Variants in ZNF680 observed in about 807,000 individuals in gnomAD.
ZNF680 encodes zinc finger protein 680, also known as hypothetical protein FLJ90430.
Under a neutral mutation model 12.1 loss-of-function variants are expected in ZNF680, and 6 were observed. The ratio of observed to expected loss-of-function variants is 0.49; its 90% CI spans 0.27 to 0.98. The LOEUF is 0.98. ZNF680 is among the 50% of genes least tolerant of loss of function. ZNF680 has a pLI of 0.12. For synonymous variants in ZNF680, 170 were observed against 199.3 expected (o/e 0.85, Z 1.24); for missense variants, 561 against 616.3 (o/e 0.91, Z 0.95).
At chr7:64,559,614 G>A (rs1181393884) in intron 1 of ZNF680, among the ~76,000 whole-genome samples, 1 of 152,030 alleles carries the variant, frequency 6.6e-6, no homozygotes, top group Non-Finnish European at 1.5e-5. Flanking sequence ...CTGAGTAGCT[G>A]GGATTACAGG....
chr7:64,548,787 G>A lies in ZNF680; in HGVS notation c.31-4355C>T, dbSNP rs148884411. On this transcript the variant is annotated intron_variant, in intron 1 of 3. Transcript: ENST00000309683. ...CCCAATGACCCTGGGCTGATGACCC[G>A]ATGATGTGCCAAGCAGGAGAGACTC... Among the ~76,000 whole-genome samples the A allele has an allele frequency of 4.7e-3, 716 of 151,998 alleles. 14 individuals carry two copies. In the East Asian group the frequency reaches 0.063, roughly 13 times the overall value.
At chr7:64,509,999 A>G in the ZNF680 span, among the ~76,000 whole-genome samples, 6 of 150,510 alleles carry the variant, frequency 4.0e-5, no homozygotes, top group Non-Finnish European at 7.4e-5. Flanking sequence ...CTAAATTACT[A>G]AAGCTCCTTT....
At chr7:64,504,483 C>T in the ZNF680 span, among the ~76,000 whole-genome samples, 1 of 152,144 alleles carries the variant, frequency 6.6e-6, no homozygotes. Context: ...TTAACTGTTT[C>T]TGATTTATCT....
At chr7:64,540,857 A>C (rs1786465256) in intron 3 of ZNF680, among the ~76,000 whole-genome samples, 1 of 152,210 alleles carries the variant, frequency 6.6e-6, no homozygotes, top group Non-Finnish European at 1.5e-5. Flanking sequence ...CATGGAAAGC[A>C]GGTATTTCAA....
downstream of ZNF680, among the ~76,000 whole-genome samples, chr7:64,518,874 TA>T (rs1791408400): frequency 6.6e-6 from 1 of 151,964 alleles, no homozygotes; most frequent in Admixed American, 6.6e-5. Context: ...ATCTAAGACC[TA>T]AAACAGTAAA....
chr7:64,505,881 A>T, the ZNF680 span, among the ~76,000 whole-genome samples: 1 of 151,900 alleles, frequency 6.6e-6, no homozygotes, highest in African/African-American at 2.4e-5. Flanking sequence ...CCACGTGGCC[A>T]CCATAAGCAG....
downstream of ZNF680, among the ~76,000 whole-genome samples, chr7:64,516,558 C>G (rs1425072865): frequency 6.6e-6 from 1 of 152,148 alleles, no homozygotes; most frequent in Non-Finnish European, 1.5e-5. Flanking sequence ...CTAGACAGGT[C>G]ATCAAGATAG....
intron 1 of ZNF680, among the ~76,000 whole-genome samples, chr7:64,545,846 G>A (rs1786759696): frequency 6.6e-6 from 1 of 152,072 alleles, no homozygotes; most frequent in South Asian, 2.1e-4. Context: ...AACATTACAT[G>A]TTCTTTTTCT....
intron 2 of ZNF680, chr7:64,544,028 T>A: frequency 3.3e-6 from 2 of 602,258 alleles, no homozygotes; most frequent in South Asian, 2.3e-5. Context: ...GCAATTAAAT[T>A]TTAAGGTGTG....
At chr7:64,543,223 T>C (rs1786599532) in intron 3 of ZNF680, among the ~76,000 whole-genome samples, 1 of 152,082 alleles carries the variant, frequency 6.6e-6, no homozygotes, top group Non-Finnish European at 1.5e-5. Flanking sequence ...AAGAAGGACA[T>C]TATACTTTAT....
At chr7:64,519,058 A>G (rs1351513117), downstream of ZNF680, among the ~76,000 whole-genome samples, 2 of 152,008 alleles carry the variant, frequency 1.3e-5, no homozygotes, top group Non-Finnish European at 2.9e-5. Context: ...CAGACAACCC[A>G]CAGAGTGAGA....
chr7:64,542,874 T>C (rs2116485622), intron 3 of ZNF680, among the ~76,000 whole-genome samples: 1 of 152,280 alleles, frequency 6.6e-6, no homozygotes, highest in South Asian at 2.1e-4. Context: ...AATTTTTGTA[T>C]TTTTAGTTGA....
chr7:64,526,358 T>C, intron 3 of ZNF680: 1 of 1,279,562 alleles, frequency 7.8e-7, no homozygotes, highest in Middle Eastern at 2.0e-4. Context: ...AAGGTGACAG[T>C]GTTATGATTC....
intron 3 of ZNF680, among the ~76,000 whole-genome samples, chr7:64,528,777 A>G (rs1785702405): frequency 6.6e-6 from 1 of 152,112 alleles, no homozygotes; most frequent in Non-Finnish European, 1.5e-5. Flanking sequence ...TACTCTAAGA[A>G]GTTGTAAGGC....
the ZNF680 span, among the ~76,000 whole-genome samples, chr7:64,512,358 C>G: frequency 6.7e-6 from 1 of 148,178 alleles, no homozygotes; most frequent in South Asian, 2.1e-4. Flanking sequence ...GAGGCTGAGG[C>G]AGGAAAATCG....
At chr7:64,553,095 A>G (rs1787170460) in intron 1 of ZNF680, among the ~76,000 whole-genome samples, 1 of 151,102 alleles carries the variant, frequency 6.6e-6, no homozygotes, top group African/African-American at 2.4e-5. Flanking sequence ...ACTGCACTCC[A>G]GCCTGGGGGA....
Position 64,520,281 on chromosome 7 carries a change from TGA to T in ZNF680, c.*878_*879del. ...ACAATAGGAATGAAATAAAGTAATT[TGA>T]GAGTTGAATTTCATCATTATTTACT... On this transcript the variant is annotated 3_prime_UTR_variant, in exon 4 of 4. Coordinates refer to ENST00000309683, the MANE Select transcript of ZNF680 (RefSeq NM_178558.5). 1 of 151,820 alleles carries T rather than the reference TGA, an allele frequency of 6.6e-6. No individual in the cohort carries two copies. Among genetic ancestry groups the T allele is most frequent in the Non-Finnish European group, 1.5e-5 (1 of 67,716 alleles). The allele number at this position is 151,820 out of a possible 1,614,324, so 9.4% of individuals were successfully genotyped here.
the ZNF680 span, among the ~76,000 whole-genome samples, chr7:64,507,824 AACACACACACAC>A: frequency 0.04 from 5,456 of 136,378 alleles, 257 homozygotes; most frequent in East Asian, 0.24. Flanking sequence ...AATTCCAGGA[AACACACACACAC>A]ACACACACAC....
chr7:64,539,585 G>A (rs1472042714), intron 3 of ZNF680, among the ~76,000 whole-genome samples: 1 of 152,024 alleles, frequency 6.6e-6, no homozygotes, highest in Non-Finnish European at 1.5e-5. Flanking sequence ...CTGAGTTTTA[G>A]TTTTACAAGA....
Sources: allele counts gnomAD v4.1 joint callset (sites outside exome capture counted in the v4.1 genomes callset), GRCh38; gene constraint gnomAD v4.1.1; transcripts MANE v1.5; gene names NCBI Gene and HGNC (gene_info 2026-07-23, HGNC 2026-07-21).